VTI1A: variants seen among roughly 807,000 people sequenced by gnomAD.
The protein encoded by VTI1A is vesicle transport through interaction with t-SNAREs homolog 1A.
VTI1A carries 22 observed loss-of-function variants against 34.9 expected under a neutral mutation model. The ratio of observed to expected loss-of-function variants is 0.63; its 90% CI spans 0.45 to 0.90. The LOEUF (loss-of-function observed/expected upper bound fraction) is 0.90, where lower values mean the gene tolerates loss of function less well. VTI1A is among the 40% of genes least tolerant of loss of function. The pLI is 0.00. For missense variants in VTI1A, 268 were observed against 275.6 expected (o/e 0.97, Z 0.20); for synonymous variants, 87 against 97.3 (o/e 0.89, Z 0.62).
At chr10:112,853,675 G>A in the VTI1A span, among the ~76,000 whole-genome samples, 1 of 152,070 alleles carries the variant, frequency 6.6e-6, no homozygotes, top group Non-Finnish European at 1.5e-5. Context: ...CACACAGATG[G>A]GTGAGCAGTG....
intron 7 of VTI1A, among the ~76,000 whole-genome samples, chr10:112,693,745 T>C (rs1848686497): frequency 6.6e-6 from 1 of 152,170 alleles, no homozygotes; most frequent in African/African-American, 2.4e-5. Context: ...AAGGCCCTAG[T>C]TGCTCTTTCT....
chr10:112,737,270 G>A (rs1850520403), intron 7 of VTI1A: 1 of 798,156 alleles, frequency 1.3e-6, no homozygotes, highest in Non-Finnish European at 1.5e-6. Context: ...TTTTTGTAGA[G>A]ATGGAGTTTC....
In VTI1A at chr10:112,668,303, T is replaced by TA; in HGVS notation, c.498+16dup. The TA allele has an allele frequency of 6.2e-7, 1 of 1,610,262 alleles. No individual in the cohort carries two copies. Among genetic ancestry groups the TA allele is most frequent in the Non-Finnish European group, 8.5e-7 (1 of 1,177,726 alleles). ...CACGTGAAAGAGTAAGTACAATTGA[T>TA]ACAGTTTTTTCACATATTCAGTAAA... is the stretch of plus-strand genomic sequence containing the variant. On this transcript the variant is annotated intron_variant, in intron 6 of 7. Coordinates refer to ENST00000393077, the MANE Select transcript of VTI1A (RefSeq NM_145206.4).
At chr10:112,720,962 A>G (rs1008082026) in intron 7 of VTI1A, among the ~76,000 whole-genome samples, 2 of 152,216 alleles carry the variant, frequency 1.3e-5, no homozygotes, top group South Asian at 4.1e-4. Context: ...TGATTTAAAA[A>G]AAAAAATGGT....
At chr10:112,457,466 A>C (rs1393547089) in intron 1 of VTI1A, among the ~76,000 whole-genome samples, 1 of 152,216 alleles carries the variant, frequency 6.6e-6, no homozygotes, top group Admixed American at 6.5e-5. Flanking sequence ...TTAGGATTAC[A>C]TAAGAGTTAT....
At chr10:112,721,112 C>T (rs1010418896) in intron 7 of VTI1A, among the ~76,000 whole-genome samples, 4 of 152,172 alleles carry the variant, frequency 2.6e-5, no homozygotes, top group African/African-American at 9.7e-5. Context: ...GAGGTTAGCT[C>T]ACTTTTTCAA....
chr10:112,712,224 G>T (rs77407882), intron 7 of VTI1A, among the ~76,000 whole-genome samples: 1,815 of 152,150 alleles, frequency 0.012, 41 homozygotes, highest in African/African-American at 0.042. Context: ...GTCACACTCT[G>T]CAGGCATGGC....
intron 5 of VTI1A, among the ~76,000 whole-genome samples, chr10:112,544,237 G>A (rs988957923): frequency 6.6e-6 from 1 of 152,090 alleles, no homozygotes; most frequent in African/African-American, 2.4e-5. Flanking sequence ...TAGCTTGATG[G>A]GGATGGCATT....
intron 4 of VTI1A, among the ~76,000 whole-genome samples, chr10:112,537,278 G>C (rs1006063896): frequency 1.9e-5 from 2 of 103,718 alleles, no homozygotes; most frequent in African/African-American, 6.5e-5. Flanking sequence ...CACACACACA[G>C]ATACATACAT....
At chr10:112,527,907 A>G (rs1850292384) in intron 4 of VTI1A, among the ~76,000 whole-genome samples, 1 of 152,236 alleles carries the variant, frequency 6.6e-6, no homozygotes, top group Admixed American at 6.5e-5. Context: ...TACAGACTTC[A>G]TTAATTCATG....
At chr10:112,494,741 T>G (rs1848953873) in intron 3 of VTI1A, among the ~76,000 whole-genome samples, 1 of 152,156 alleles carries the variant, frequency 6.6e-6, no homozygotes, top group Non-Finnish European at 1.5e-5. Context: ...CTTGAACTCC[T>G]GAACTCAAGT....
intron 5 of VTI1A, among the ~76,000 whole-genome samples, chr10:112,622,865 C>G (rs2134577401): frequency 6.6e-6 from 1 of 152,178 alleles, no homozygotes; most frequent in Non-Finnish European, 1.5e-5. Context: ...TTCAAAATTC[C>G]AATTATGAGT....
chr10:112,626,040 G>A (rs1301928429), intron 5 of VTI1A, among the ~76,000 whole-genome samples: 1 of 152,178 alleles, frequency 6.6e-6, no homozygotes, highest in Admixed American at 6.5e-5. Context: ...ATGTCAGGAA[G>A]AAGAAACAAA....
At chr10:112,632,918 A>G (rs1172705273) in intron 5 of VTI1A, among the ~76,000 whole-genome samples, 1 of 152,252 alleles carries the variant, frequency 6.6e-6, no homozygotes, top group Admixed American at 6.5e-5. Context: ...GGTATTTACA[A>G]ATAGAAATAC....
chr10:112,617,449 T>A (rs544654961), intron 5 of VTI1A, among the ~76,000 whole-genome samples: 1 of 152,114 alleles, frequency 6.6e-6, no homozygotes, highest in East Asian at 1.9e-4. Flanking sequence ...GAAAACTGAA[T>A]GAGAAATTAC....
chr10:112,480,036 A>G (rs1381399855), intron 3 of VTI1A, among the ~76,000 whole-genome samples: 1 of 152,214 alleles, frequency 6.6e-6, no homozygotes, highest in Non-Finnish European at 1.5e-5. Flanking sequence ...TTTAGCGTAC[A>G]TACCTAAAGA....
intron 3 of VTI1A, among the ~76,000 whole-genome samples, chr10:112,480,424 G>T (rs947552364): frequency 6.6e-6 from 1 of 152,128 alleles, no homozygotes; most frequent in Non-Finnish European, 1.5e-5. Flanking sequence ...GGAGCTTGTT[G>T]CCTTAATAAT....
At chr10:112,677,868 C>G (rs1264115340) in intron 7 of VTI1A, 1 of 152,188 alleles carries the variant, frequency 6.6e-6, no homozygotes, top group Non-Finnish European at 1.5e-5. Context: ...GAGGTCAACC[C>G]TCGCTTCTCT....
At chr10:112,522,159 A>T (rs1473304627) in intron 3 of VTI1A, among the ~76,000 whole-genome samples, 1 of 152,082 alleles carries the variant, frequency 6.6e-6, no homozygotes, top group Admixed American at 6.6e-5. Context: ...TAACAGGAGC[A>T]GTTAAATTCT....
Sources: gnomAD v4.1 joint callset for allele counts (sites outside exome capture counted in the v4.1 genomes callset) on GRCh38, gnomAD v4.1.1 for gene constraint, MANE v1.5 for transcripts, NCBI Gene and HGNC (gene_info 2026-07-23, HGNC 2026-07-21) for gene names.